Variants in NUP205 observed in about 807,000 individuals in gnomAD.
The protein encoded by NUP205 is nuclear pore complex protein Nup205.
A neutral mutation model predicts 253.8 loss-of-function variants in NUP205; 76 were observed. The ratio of observed to expected loss-of-function variants is 0.30; its 90% CI spans 0.25 to 0.36. The LOEUF (loss-of-function observed/expected upper bound fraction) is 0.36. Ranked by LOEUF, NUP205 falls within the 10% of genes least tolerant of loss-of-function variation. The pLI, the probability that NUP205 is intolerant of heterozygous loss-of-function variation, is 1.00. For missense variants in NUP205, 2,162 were observed against 2,425.5 expected, an observed-to-expected ratio of 0.89 and a Z score of 2.28; for synonymous variants, 832 against 850.1, an observed-to-expected ratio of 0.98 and a Z score of 0.37.
chr7:135,621,517 G>A (rs971228659), intron 30 of NUP205, among the ~76,000 whole-genome samples: 3 of 152,172 alleles, frequency 2.0e-5, no homozygotes, highest in African/African-American at 7.2e-5. Context: ...CTATGTAGCA[G>A]TTGGAAAAAA....
At position 135,645,469 on chromosome 7, in the gene NUP205, TATC is replaced by T. The variant is rs757226735; in HGVS notation, c.5688_5690del (p.Ile1897del). 6.2e-7 allele frequency: 1 copy of T among 1,613,416 alleles called. No homozygotes were observed. The highest frequency in any genetic ancestry group is 8.5e-7 in the Non-Finnish European group (1 of 1,179,738). On this transcript the variant is annotated inframe_deletion and splice_region_variant, in exon 41 of 43. Coordinates refer to ENST00000285968, the MANE Select transcript of NUP205 (RefSeq NM_015135.3). ...CCTTTAATCTGAGCTCTGGTATAGT[TATC>T]ATAGAGACCTGCCTATTTATTCTTT...
At chr7:135,595,334 G>T (rs1030889591) in intron 13 of NUP205, among the ~76,000 whole-genome samples, 1 of 151,758 alleles carries the variant, frequency 6.6e-6, no homozygotes, top group South Asian at 2.1e-4. Context: ...AGCGATTCTT[G>T]TGCCTCAGCC....
At chr7:135,636,912 A>G (rs951430231) in intron 36 of NUP205, among the ~76,000 whole-genome samples, 3 of 152,160 alleles carry the variant, frequency 2.0e-5, no homozygotes, top group Non-Finnish European at 2.9e-5. Flanking sequence ...GGGCTGAGGC[A>G]CAAGAATTAC....
intron 6 of NUP205, 47 bp from the exon 7 acceptor site, chr7:135,578,704 A>G: frequency 7.2e-7 from 1 of 1,393,234 alleles, no homozygotes; most frequent in Non-Finnish European, 9.8e-7. Flanking sequence ...ATCAGAAGTG[A>G]GAATTTATCT....
chr7:135,598,089 T>C lies in NUP205; in HGVS notation c.2156T>C (p.Phe719Ser), dbSNP rs1793886527. The C allele has an allele frequency of 6.2e-7, 1 of 1,614,114 alleles. No homozygotes were observed. Among genetic ancestry groups the C allele is most frequent in the Non-Finnish European group, 8.5e-7 (1 of 1,179,976 alleles). Reference protein sequence around the residue: ...QLISTLVESSFPSNLGAGLRP... With the variant: ...QLISTLVESSSPSNLGAGLRP... ...ATTAGTACTCTGGTGGAGAGCTCAT[T>C]TCCTTCTAATTTGGGTGCTGGACTG... is the stretch of plus-strand genomic sequence containing the variant. The change falls in exon 15 of 43, where the codon TTT (phenylalanine) becomes TCT (serine). Residue 719 changes from phenylalanine to serine, a missense_variant. By Grantham distance (155) the Phe-to-Ser change is radical. Coordinates refer to ENST00000285968, the MANE Select transcript of NUP205 (RefSeq NM_015135.3).
chr7:135,576,959 T>C lies in NUP205; in HGVS notation c.489-10T>C, dbSNP rs1011502207. 6 of 1,602,662 alleles carry C rather than the reference T, an allele frequency of 3.7e-6. No individual in the cohort carries two copies. Among genetic ancestry groups the C allele is most frequent in the South Asian group, 2.2e-5 (2 of 88,918 alleles). ...GTTTAACGTAGTTTATTGATTTCTT[T>C]TCATTACAGTCCAGAGCTGGCTTCC... On this transcript the variant is annotated splice_polypyrimidine_tract_variant and intron_variant, in intron 4 of 42. Transcript: ENST00000285968.
At position 135,573,778 on chromosome 7, in the gene NUP205, A is replaced by G. The variant is rs1806068651; in HGVS notation, c.296A>G (p.Asp99Gly). 6.2e-7 allele frequency: 1 copy of G among 1,613,530 alleles called. No individual in the cohort carries two copies. Among genetic ancestry groups the G allele is most frequent in the African/African-American group, 1.3e-5 (1 of 74,896 alleles). The change falls in exon 3 of 43, where the codon GAC (aspartate) becomes GGC (glycine). Residue 99 changes from aspartate to glycine, a missense_variant. Physicochemically the swap from Asp to Gly is moderately conservative, Grantham distance 94 (BLOSUM62 -1). Around this residue, in one of 5 missense-constraint regions of NUP205, gnomAD observed 109 missense variants for 131.8 expected, o/e 0.83. Transcript: ENST00000285968. ...ATTAAAGAAGCCTTTATTCTCAGTGACCTTTTTGATATTGGAGAATTGGCA... is the reference window on the plus strand; with the variant it reads ...ATTAAAGAAGCCTTTATTCTCAGTGGCCTTTTTGATATTGGAGAATTGGCA... ...QLIKEAFILS[D>G]LFDIGELAAV...
chr7:135,590,940 T>G (rs751418918), intron 10 of NUP205, among the ~76,000 whole-genome samples: 2 of 152,134 alleles, frequency 1.3e-5, no homozygotes, highest in Non-Finnish European at 2.9e-5. Flanking sequence ...TTGTTGATAA[T>G]AGGTTTAAGG....
chr7:135,571,306 GAAGT>G, intron 2 of NUP205, 59 bp downstream of exon 2: 1 of 1,121,728 alleles, frequency 8.9e-7, no homozygotes, highest in South Asian at 2.7e-5. Flanking sequence ...ATCGAGGAAG[GAAGT>G]AAACTCTTTT....
At chr7:135,612,059 G>T (rs1398661670) in intron 22 of NUP205, among the ~76,000 whole-genome samples, 5 of 152,162 alleles carry the variant, frequency 3.3e-5, no homozygotes, top group Non-Finnish European at 7.3e-5. Context: ...CGTGGAGCTT[G>T]CAGTGAGCCG....
At chr7:135,587,305 A>G (rs937804417) in intron 8 of NUP205, among the ~76,000 whole-genome samples, 1 of 152,160 alleles carries the variant, frequency 6.6e-6, no homozygotes, top group Non-Finnish European at 1.5e-5. Flanking sequence ...TTGTGCCCAA[A>G]TGTCAGTAAT....
At chr7:135,645,354 G>A in intron 40 of NUP205, 114 bp from the exon 41 acceptor site, 1 of 1,075,154 alleles carries the variant, frequency 9.3e-7, no homozygotes, top group Middle Eastern at 2.2e-4. Context: ...TTAGACTGAG[G>A]CTGTGGGTAC....
At chr7:135,581,320 G>A (rs768996753) in intron 7 of NUP205, among the ~76,000 whole-genome samples, 2 of 152,158 alleles carry the variant, frequency 1.3e-5, no homozygotes, top group Non-Finnish European at 2.9e-5. Context: ...AAGGTGGGAG[G>A]ATTGCTTGAG....
chr7:135,592,965 TC>T (rs745971274), intron 11 of NUP205, 21 bp from the exon 12 acceptor site: 1 of 1,507,860 alleles, frequency 6.6e-7, no homozygotes, highest in South Asian at 1.1e-5. Context: ...TAAATAAAAT[TC>T]TGTGCTGTTT....
intron 18 of NUP205, 99 bp downstream of exon 18, chr7:135,603,093 T>A: frequency 3.6e-6 from 3 of 841,582 alleles, no homozygotes; most frequent in Admixed American, 6.0e-5. Context: ...ACCTTTTTTT[T>A]TATTTTTGCC....
intron 2 of NUP205, among the ~76,000 whole-genome samples, chr7:135,572,704 G>A (rs1168245725): frequency 6.6e-6 from 1 of 152,028 alleles, no homozygotes; most frequent in Non-Finnish European, 1.5e-5. Flanking sequence ...GATTACAGGC[G>A]CCTGCCACCA....
intron 34 of NUP205, among the ~76,000 whole-genome samples, chr7:135,630,031 A>G (rs927388020): frequency 2.0e-5 from 3 of 152,166 alleles, no homozygotes; most frequent in African/African-American, 7.2e-5. Flanking sequence ...AATAGTTTTC[A>G]TACAGTAGTT....
At chr7:135,646,379 A>G (rs1795010928) in intron 42 of NUP205, 148 bp downstream of exon 42, 1 of 624,270 alleles carries the variant, frequency 1.6e-6, no homozygotes, top group African/African-American at 1.9e-5. Flanking sequence ...TCTGGGCAAC[A>G]TAGTGAGACC....
At chr7:135,576,585 A>C (rs1201115338) in intron 4 of NUP205, among the ~76,000 whole-genome samples, 171 bp downstream of exon 4, 1 of 152,236 alleles carries the variant, frequency 6.6e-6, no homozygotes, top group Non-Finnish European at 1.5e-5. Flanking sequence ...GTGTTTATAA[A>C]TAAAAAATAA....
Sources: allele counts gnomAD v4.1 joint callset (sites outside exome capture counted in the v4.1 genomes callset), GRCh38; gene constraint gnomAD v4.1.1; regional missense constraint gnomAD v4.1.1; transcripts MANE v1.5; gene names NCBI Gene and HGNC (gene_info 2026-07-23, HGNC 2026-07-21).